FAM162A: variants seen among roughly 807,000 people sequenced by gnomAD.
The protein encoded by FAM162A is family with sequence similarity 162 member A.
FAM162A carries 23 observed loss-of-function variants against 21.8 expected under a neutral mutation model. The ratio of observed to expected loss-of-function variants is 1.05; its 90% CI spans 0.76 to 1.49. FAM162A has a LOEUF of 1.49. Among genes scored for constraint, FAM162A ranks in the 40% most tolerant of loss-of-function variants. The pLI is 0.00. For synonymous variants in FAM162A, 53 were observed against 61.3 expected (o/e 0.86, Z 0.64); for missense variants, 165 against 186.4 (o/e 0.89, Z 0.67).
At chr3:122,393,070 C>G (rs1459501646) in intron 1 of FAM162A, among the ~76,000 whole-genome samples, 1 of 152,162 alleles carries the variant, frequency 6.6e-6, no homozygotes, top group East Asian at 1.9e-4. Context: ...TAATTTATCT[C>G]CTTTCCACTA....
rs776942715 is a variant in FAM162A at position 122,411,386 on chromosome 3, T to C, written c.*1555T>C. 6.6e-6 allele frequency: 1 copy of C among 152,190 alleles called. No homozygotes were observed. Among genetic ancestry groups the C allele is most frequent in the Non-Finnish European group, 1.5e-5 (1 of 68,038 alleles). 9.4% of individuals were successfully genotyped at this position (152,190 alleles called of 1,614,324 possible). A position where few individuals can be genotyped will look rare whatever the true frequency, so the allele number is the denominator to read the frequency against. ...TAGTTTCTTGTACATTTTAGAAGAT[T>C]AGTTTTTCTTATTTTGGGACACCTA... is the stretch of plus-strand genomic sequence containing the variant. On this transcript the variant is annotated 3_prime_UTR_variant, in exon 5 of 5. Coordinates refer to ENST00000477892, the MANE Select transcript of FAM162A (RefSeq NM_014367.4).
chr3:122,386,778 G>A (rs2075576340), intron 1 of FAM162A, among the ~76,000 whole-genome samples: 1 of 152,136 alleles, frequency 6.6e-6, no homozygotes, highest in Non-Finnish European at 1.5e-5. Context: ...CGAATTTGTT[G>A]TTTTGTAGAT....
intron 1 of FAM162A, among the ~76,000 whole-genome samples, chr3:122,388,937 T>C (rs2075586922): frequency 6.6e-6 from 1 of 151,772 alleles, no homozygotes; most frequent in African/African-American, 2.4e-5. Flanking sequence ...TAGTCCCAGC[T>C]ACTCAGGAGG....
intron 3 of FAM162A, among the ~76,000 whole-genome samples, chr3:122,406,334 G>A (rs2075676441): frequency 6.6e-6 from 1 of 152,214 alleles, no homozygotes; most frequent in Non-Finnish European, 1.5e-5. Flanking sequence ...GGAGGCTGAG[G>A]CAGGAGGATC....
intron 3 of FAM162A, among the ~76,000 whole-genome samples, chr3:122,405,965 C>T (rs952023838): frequency 2.0e-5 from 3 of 152,126 alleles, no homozygotes; most frequent in African/African-American, 4.8e-5. Context: ...TGGAGAACCC[C>T]GTCCACATGC....
chr3:122,407,137 C>T (rs896385487), intron 3 of FAM162A, 144 bp from the exon 4 acceptor site: 10 of 596,512 alleles, frequency 1.7e-5, no homozygotes, highest in Non-Finnish European at 2.3e-5. Flanking sequence ...GATCTCTAGG[C>T]CCTTTTTAAA....
chr3:122,399,653 A>G (rs1399469635), intron 1 of FAM162A, among the ~76,000 whole-genome samples: 1 of 152,222 alleles, frequency 6.6e-6, no homozygotes, highest in Non-Finnish European at 1.5e-5. Context: ...CAGTAATGGC[A>G]TTGCTGGGTC....
intron 3 of FAM162A, among the ~76,000 whole-genome samples, chr3:122,405,848 A>T (rs1227394500): frequency 6.6e-6 from 1 of 152,200 alleles, no homozygotes; most frequent in East Asian, 1.9e-4. Flanking sequence ...CAACATGGGA[A>T]GTCAGTTTGT....
intron 1 of FAM162A, among the ~76,000 whole-genome samples, chr3:122,388,956 G>A (rs1206658786): frequency 1.3e-5 from 2 of 152,210 alleles, no homozygotes; most frequent in East Asian, 1.9e-4. Flanking sequence ...GGCTGAGGCA[G>A]GAGAATGGCG....
chr3:122,389,066 A>G (rs1413379844), intron 1 of FAM162A, among the ~76,000 whole-genome samples: 1 of 151,766 alleles, frequency 6.6e-6, no homozygotes, highest in Non-Finnish European at 1.5e-5. Flanking sequence ...AAAAAAATGT[A>G]TTCATATGAC....
intron 1 of FAM162A, among the ~76,000 whole-genome samples, chr3:122,386,385 CA>C (rs889431269): frequency 1.4e-4 from 21 of 151,412 alleles, no homozygotes; most frequent in Non-Finnish European, 1.2e-4. Flanking sequence ...CCTGTCTCTA[CA>C]AAAAAAACTT....
chr3:122,404,459 A>G (rs2075668270), intron 3 of FAM162A, 96 bp downstream of exon 3: 3 of 567,756 alleles, frequency 5.3e-6, no homozygotes, highest in Non-Finnish European at 9.2e-6. Context: ...AAACTTTTCA[A>G]CCAAATTTGA....
chr3:122,395,657 T>A (rs140223959), intron 1 of FAM162A, among the ~76,000 whole-genome samples: 194 of 152,294 alleles, frequency 1.3e-3, no homozygotes, highest in African/African-American at 4.6e-3. Context: ...AAATCCCAGC[T>A]GGGGTCTTTG....
Position 122,404,298 on chromosome 3 carries a change from G to T in FAM162A, c.198G>T (p.Trp66Cys), listed in dbSNP as rs371721266. ...NRVPLHKPTD[W>C]QKKILIWSGR... ...TGCCTTTACACAAACCTACGGATTG[G>T]CAGAAAAAGATCCTCATATGGTCAG... Residue 66 changes from tryptophan to cysteine, a missense_variant, in exon 3 of 5, where the codon TGG becomes TGT. Physicochemically the swap from Trp to Cys is radical, Grantham distance 215. Coordinates refer to ENST00000477892, the MANE Select transcript of FAM162A (RefSeq NM_014367.4). The T allele has an allele frequency of 3.7e-5, 60 of 1,608,588 alleles. No homozygotes were observed. The African/African-American group carries it at 6.8e-4, about 18-fold the overall frequency.
intron 1 of FAM162A, among the ~76,000 whole-genome samples, chr3:122,400,913 G>A (rs547924367): frequency 5.1e-4 from 78 of 151,874 alleles, no homozygotes; most frequent in African/African-American, 1.6e-3. Context: ...GAATATTCTC[G>A]TGATGTGCAG....
intron 1 of FAM162A, among the ~76,000 whole-genome samples, chr3:122,389,064 G>A (rs1197673783): frequency 1.3e-5 from 2 of 150,180 alleles, no homozygotes; most frequent in East Asian, 3.9e-4. Context: ...AAAAAAAAAT[G>A]TATTCATATG....
At chr3:122,409,031 C>T (rs2075691414) in intron 4 of FAM162A, among the ~76,000 whole-genome samples, 1 of 151,800 alleles carries the variant, frequency 6.6e-6, no homozygotes, top group Non-Finnish European at 1.5e-5. Context: ...CACCCCCCGC[C>T]ACATACCCAA....
At position 122,409,968 on chromosome 3, in the gene FAM162A, CT is replaced by C. The variant is rs1351689700; in HGVS notation, c.*138del. 1 of 766,560 alleles carries C rather than the reference CT, an allele frequency of 1.3e-6. No homozygotes were observed. The highest frequency in any genetic ancestry group is 2.0e-5 in the Admixed American group (1 of 48,970). The allele number at this position is 766,560 out of a possible 1,614,324, so 47.5% of individuals were successfully genotyped here. On this transcript the variant is annotated 3_prime_UTR_variant, in exon 5 of 5. Coordinates refer to ENST00000477892, the MANE Select transcript of FAM162A (RefSeq NM_014367.4). Reference sequence around the variant, plus strand: ...AACCTGTACCATTTCCGTATTTCTGCTGTAGAAGTAGAAATAAATTTTCTTA... The same window carrying C: ...AACCTGTACCATTTCCGTATTTCTGCGTAGAAGTAGAAATAAATTTTCTTA...
intron 1 of FAM162A, chr3:122,401,436 G>C: frequency 8.9e-7 from 1 of 1,126,832 alleles, no homozygotes; most frequent in Non-Finnish European, 1.1e-6. Context: ...GACAGGGAGA[G>C]AGATCAGGCT....
Sources: gnomAD v4.1 joint callset for allele counts (sites outside exome capture counted in the v4.1 genomes callset) on GRCh38, gnomAD v4.1.1 for gene constraint, MANE v1.5 for transcripts, NCBI Gene and HGNC (gene_info 2026-07-23, HGNC 2026-07-21) for gene names.